Variants in XPO6 observed in about 807,000 individuals in gnomAD.
The protein encoded by XPO6 is exportin 6.
XPO6 carries 3 observed loss-of-function variants against 130.0 expected under a neutral mutation model. The observed-to-expected ratio is 0.02, with a 90% CI of 0.01 to 0.06. The LOEUF (loss-of-function observed/expected upper bound fraction) is 0.06. Ranked by LOEUF, XPO6 falls within the 10% of genes least tolerant of loss-of-function variation. XPO6 has a pLI of 1.00. For synonymous variants in XPO6, 524 were observed against 548.9 expected (o/e 0.95, Z 0.63); for missense variants, 970 against 1,393.0 (o/e 0.70, Z 4.83).
rs145424832 is a variant in XPO6, at chr16:28,211,501, C to T, written c.-133G>A. On this transcript the variant is annotated 5_prime_UTR_variant, in exon 1 of 24. Coordinates refer to ENST00000304658, the MANE Select transcript of XPO6 (RefSeq NM_015171.4). Reference sequence around the variant, plus strand: ...CATGCAAAGACAACCCCTTCCCCACCGGGCCCCGAGGGGACCCTCTAAAAA... The same window carrying T: ...CATGCAAAGACAACCCCTTCCCCACTGGGCCCCGAGGGGACCCTCTAAAAA... 443 of 1,098,466 alleles carry T rather than the reference C, an allele frequency of 4.0e-4. 4 individuals carry two copies. In the African/African-American group the frequency reaches 5.9e-3, roughly 15 times the overall value. The allele number at this position is 1,098,466 out of a possible 1,614,324, so 68.0% of individuals were successfully genotyped here.
In XPO6 at chr16:28,156,155, T is replaced by C. The variant is rs1407627763; in HGVS notation, c.1016A>G (p.Gln339Arg). ...FEEYLLRMFQQTFYLLQKITK... is the reference protein window; with the variant it reads ...FEEYLLRMFQRTFYLLQKITK... ...GATTTTCTGCAGGAGGTAGAAAGTC[T>C]GCTGGAACATACGCAGTAAATACTC... Residue 339 changes from glutamine to arginine, a missense_variant, in exon 7 of 24, where the codon CAG becomes CGG. Physicochemically the swap from Gln to Arg is conservative, Grantham distance 43 (BLOSUM62 1). Around this residue, in one of 4 missense-constraint regions of XPO6, gnomAD observed 936 missense variants for 1,306.8 expected, o/e 0.72. Coordinates refer to ENST00000304658, the MANE Select transcript of XPO6 (RefSeq NM_015171.4). The C allele has an allele frequency of 1.2e-6, 2 of 1,614,060 alleles. No homozygotes were observed. The highest frequency in any genetic ancestry group is 2.2e-5 in the South Asian group (2 of 91,088).
At position 28,117,339 on chromosome 16, in the gene XPO6, G is replaced by A; in HGVS notation, c.1983C>T (p.Ile661=). The part of the protein sequence containing the change: ...VTLISTTMDA[I]TPLISTKVQD... ...AGACCTTGGTGCTGATTAGAGGTGTGATTGCATCCATGGTAGTAGAGATGA... is the reference window on the plus strand; with the variant it reads ...AGACCTTGGTGCTGATTAGAGGTGTAATTGCATCCATGGTAGTAGAGATGA... The change falls in exon 15 of 24, where the codon ATC becomes ATT. Residue 661 remains isoleucine, a synonymous_variant. Transcript: ENST00000304658. The A allele has an allele frequency of 6.2e-7, 1 of 1,614,122 alleles. No individual in the cohort carries two copies. Among genetic ancestry groups the A allele is most frequent in the Non-Finnish European group, 8.5e-7 (1 of 1,180,034 alleles).
At position 28,162,921 on chromosome 16, in the gene XPO6, A is replaced by G. The variant is rs1286186499; in HGVS notation, c.643+3587T>C. 3.9e-5 allele frequency among the ~76,000 whole-genome samples: 6 copies of G among 152,128 alleles called. No individual in the cohort carries two copies. The South Asian group carries it at 1.2e-3, about 32-fold the overall frequency. ...ACTTCATGTTTTTCCTATCAGTTGT[A>G]TATTTACTAACTTAAGAGTTTTCCA... On this transcript the variant is annotated intron_variant, in intron 6 of 23. Transcript: ENST00000304658.
Position 28,132,653 on chromosome 16 carries a change from T to TA in XPO6, c.1537-251_1537-250insT, listed in dbSNP as rs569828911. 0.037 allele frequency among the ~76,000 whole-genome samples: 5,056 copies of TA among 136,258 alleles called. 308 individuals carry two copies. Among genetic ancestry groups the TA allele is most frequent in the East Asian group, 0.17 (824 of 4,944 alleles). The allele number at this position is 136,258 out of a possible 152,430, so 89.4% of individuals were successfully genotyped here. ...AAAACGTATTAGTTCAACCCTTTTT[T>TA]TAAAAAAAAAAAAAAAGCAAAGGAC... On this transcript the variant is annotated intron_variant, in intron 11 of 23. Transcript: ENST00000304658. This position sits in a 1 kb window ranked among gnomAD's most constrained non-coding sequence, Gnocchi z 4.0.
intron 8 of XPO6, among the ~76,000 whole-genome samples, chr16:28,147,181 G>GCATA (rs1433406171): frequency 3.9e-5 from 6 of 152,180 alleles, no homozygotes; most frequent in Non-Finnish European, 5.9e-5. Flanking sequence ...GTTTACAAGG[G>GCATA]CATACATGGA....
In XPO6 at chr16:28,111,847, C is replaced by T; in HGVS notation, c.2311G>A (p.Ala771Thr). 6.2e-7 allele frequency: 1 copy of T among 1,614,130 alleles called. No individual in the cohort carries two copies. Among genetic ancestry groups the T allele is most frequent in the Non-Finnish European group, 8.5e-7 (1 of 1,180,008 alleles). ...TCCAGTGGCATCTTTCTCTGTGGGG[C>T]AACAGCACTGGGCTTCAGGTTGCGA... ...DYRNLKPSAV[A>T]PQRKMPLDDT... The change falls in exon 17 of 24, where the codon GCC becomes ACC. Residue 771 changes from alanine (A) to threonine (T), a missense_variant. Around this residue, in one of 4 missense-constraint regions of XPO6, gnomAD observed 936 missense variants for 1,306.8 expected, o/e 0.72. Coordinates refer to ENST00000304658, the MANE Select transcript of XPO6 (RefSeq NM_015171.4).
At chr16:28,157,469 T>C (rs992595818) in intron 6 of XPO6, among the ~76,000 whole-genome samples, 1 of 151,582 alleles carries the variant, frequency 6.6e-6, no homozygotes, top group East Asian at 1.9e-4. Flanking sequence ...AAATAAAAAA[T>C]AAAAATAAAA....
chr16:28,098,590 C>T lies in XPO6; in HGVS notation c.3326G>A (p.Arg1109His), dbSNP rs2141220705. 5 of 1,612,956 alleles carry T rather than the reference C, an allele frequency of 3.1e-6. No individual in the cohort carries two copies. Among genetic ancestry groups the T allele is most frequent in the South Asian group, 2.2e-5 (2 of 90,958 alleles). ...GCTGTCGTTGCAGAGTCTGTAGTAGCGCAGGTCGTTGACCAGCCTGTGCAC... is the reference window on the plus strand; with the variant it reads ...GCTGTCGTTGCAGAGTCTGTAGTAGTGCAGGTCGTTGACCAGCCTGTGCAC... ...QNVHRLVNDL[R>H]YYRLCNDSLP... Residue 1109 changes from arginine (R) to histidine (H), a missense_variant, in exon 24 of 24, where the codon CGC becomes CAC. Physicochemically the swap from Arg to His is conservative, Grantham distance 29 (BLOSUM62 0). This residue lies in a region of XPO6 where 936 missense variants were observed against 1,306.8 expected (regional missense o/e 0.72). Transcript: ENST00000304658.
At chr16:28,181,776 G>C (rs915524912) in intron 1 of XPO6, among the ~76,000 whole-genome samples, 1 of 152,118 alleles carries the variant, frequency 6.6e-6, no homozygotes, top group Non-Finnish European at 1.5e-5. Context: ...GTGCAGCTGA[G>C]AGCCAAGCTA....
At chr16:28,154,252 AT>A (rs1203562413) in intron 7 of XPO6, 1 of 886,890 alleles carries the variant, frequency 1.1e-6, no homozygotes, top group Non-Finnish European at 1.3e-6. Flanking sequence ...CCTACTACCC[AT>A]TTAAAAAAAA....
chr16:28,153,975 T>TA (rs2043140282), intron 7 of XPO6: 1 of 985,326 alleles, frequency 1.0e-6, no homozygotes, highest in Non-Finnish European at 1.2e-6. Context: ...TGCAGCTTTT[T>TA]AAAAAATACA....
intron 1 of XPO6, among the ~76,000 whole-genome samples, chr16:28,198,725 C>T (rs2043907632): frequency 6.6e-6 from 1 of 151,860 alleles, no homozygotes; most frequent in Non-Finnish European, 1.5e-5. Flanking sequence ...TGTTGGAGGG[C>T]TTGGCTGCTG....
intron 1 of XPO6, among the ~76,000 whole-genome samples, chr16:28,197,447 T>C (rs11074897): frequency 0.58 from 87,467 of 151,938 alleles, 27,519 homozygotes; most frequent in South Asian, 0.72. Context: ...GTTTCCTACA[T>C]AGACACACAG....
chr16:28,143,109 T>G (rs1317924342), intron 9 of XPO6, among the ~76,000 whole-genome samples: 1 of 152,236 alleles, frequency 6.6e-6, no homozygotes, highest in Non-Finnish European at 1.5e-5. Flanking sequence ...TTTAGGATGA[T>G]AATCACATGA....
At chr16:28,194,464 TA>T (rs974543129) in intron 1 of XPO6, among the ~76,000 whole-genome samples, 1 of 152,104 alleles carries the variant, frequency 6.6e-6, no homozygotes, top group African/African-American at 2.4e-5. Context: ...TTTTTCTTTT[TA>T]AAGAAAGAAA....
In XPO6 at chr16:28,115,398, T is replaced by G. The variant is rs985632064; in HGVS notation, c.2004+1920A>C. Among the ~76,000 whole-genome samples the G allele has an allele frequency of 1.1e-4, 16 of 152,222 alleles. No individual in the cohort carries two copies. The East Asian group carries it at 3.1e-3, about 29-fold the overall frequency. On this transcript the variant is annotated intron_variant, in intron 15 of 23. Coordinates refer to ENST00000304658, the MANE Select transcript of XPO6 (RefSeq NM_015171.4). ...TGGAAACTATGGAAACTAATATCTT[T>G]GAACATCTCCATCTGAGTCCTTAGG...
intron 9 of XPO6, among the ~76,000 whole-genome samples, chr16:28,137,462 CAATCT>C (rs1176057359): frequency 6.6e-6 from 1 of 152,166 alleles, no homozygotes; most frequent in Non-Finnish European, 1.5e-5. Context: ...ATACACCACC[CAATCT>C]AATACAGTTG....
chr16:28,154,837 T>C (rs766417543), intron 7 of XPO6, among the ~76,000 whole-genome samples: 14 of 150,110 alleles, frequency 9.3e-5, no homozygotes, highest in Non-Finnish European at 1.5e-4. Context: ...TATGAAGAGA[T>C]AGACATGAGA....
intron 1 of XPO6, among the ~76,000 whole-genome samples, chr16:28,182,460 TGG>T (rs1326996214): frequency 6.6e-6 from 1 of 152,156 alleles, no homozygotes; most frequent in African/African-American, 2.4e-5. Context: ...CACAGAATGA[TGG>T]CTCTGCAATG....
Sources: gnomAD v4.1 joint callset for allele counts (sites outside exome capture counted in the v4.1 genomes callset) on GRCh38, gnomAD v4.1.1 for gene constraint, gnomAD v4.1.1 regional missense constraint, Gnocchi (gnomAD v3.1) non-coding constraint, MANE v1.5 for transcripts, NCBI Gene and HGNC (gene_info 2026-07-23, HGNC 2026-07-21) for gene names.